Variants in ALPK2 observed in about 807,000 individuals in gnomAD.
ALPK2 encodes alpha-protein kinase 2.
ALPK2 carries 127 observed loss-of-function variants against 163.1 expected under a neutral mutation model. The observed-to-expected ratio is 0.78, with a 90% confidence interval of 0.67 to 0.90. ALPK2 has a LOEUF of 0.90. Among genes scored for constraint, ALPK2 ranks in the 40% least tolerant of loss-of-function variants. The pLI is 0.00. For missense variants in ALPK2, 2,360 were observed against 2,589.6 expected (o/e 0.91, Z 1.92); for synonymous variants, 953 against 959.1 (o/e 0.99, Z 0.12).
At chr18:58,548,420 A>G (rs2051731513) in intron 4 of ALPK2, among the ~76,000 whole-genome samples, 1 of 151,868 alleles carries the variant, frequency 6.6e-6, no homozygotes. Flanking sequence ...ATCCAGGTTC[A>G]AGTGATTCTC....
chr18:58,559,682 C>T (rs893074258), intron 4 of ALPK2, among the ~76,000 whole-genome samples: 1 of 152,184 alleles, frequency 6.6e-6, no homozygotes, highest in Non-Finnish European at 1.5e-5. Context: ...GTGATACTCT[C>T]CACAAAGCTG....
chr18:58,516,829 C>A, intron 9 of ALPK2, 79 bp downstream of exon 9: 3 of 1,499,598 alleles, frequency 2.0e-6, no homozygotes, highest in South Asian at 1.2e-5. Flanking sequence ...TCCCATCAAT[C>A]CTGAGTCTGA....
intron 8 of ALPK2, among the ~76,000 whole-genome samples, chr18:58,521,907 G>A (rs1011038670): frequency 2.0e-5 from 3 of 151,998 alleles, no homozygotes; most frequent in Admixed American, 2.0e-4. Context: ...GATTACAGGC[G>A]TGAGCCACCG....
chr18:58,541,332 AACTC>A (rs1483091944), intron 4 of ALPK2, among the ~76,000 whole-genome samples: 3 of 152,318 alleles, frequency 2.0e-5, no homozygotes, highest in Non-Finnish European at 2.9e-5. Flanking sequence ...ATCTCACAAG[AACTC>A]ACTCATTGTC....
chr18:58,565,264 G>A lies in ALPK2; in HGVS notation c.1962+13550C>T, dbSNP rs147658092. On this transcript the variant is annotated intron_variant, in intron 4 of 12. Coordinates refer to ENST00000361673, the MANE Select transcript of ALPK2 (RefSeq NM_052947.4). ...TTCATGCAAGCTTCTCTCAAGAGTC[G>A]ATATTGAGAAGTGAAACTGCTGCAT... Among the ~76,000 whole-genome samples the A allele has an allele frequency of 2.7e-3, 410 of 152,254 alleles. 1 individual carries two copies. The highest frequency in any genetic ancestry group is 9.4e-3 in the African/African-American group (392 of 41,544).
chr18:58,529,879 T>C (rs754620794), intron 5 of ALPK2, among the ~76,000 whole-genome samples: 2 of 152,140 alleles, frequency 1.3e-5, no homozygotes, highest in Admixed American at 6.5e-5. Context: ...TCAGTATCAA[T>C]ATCAGTGAGG....
intron 3 of ALPK2, among the ~76,000 whole-genome samples, chr18:58,605,180 G>C (rs184590881): frequency 6.6e-6 from 1 of 152,098 alleles, no homozygotes; most frequent in African/African-American, 2.4e-5. Context: ...ACTATAGCCC[G>C]CAGGCCAAAT....
intron 3 of ALPK2, among the ~76,000 whole-genome samples, chr18:58,593,439 C>G (rs1385862149): frequency 6.6e-6 from 1 of 151,438 alleles, no homozygotes; most frequent in African/African-American, 2.4e-5. Flanking sequence ...TGGCATGCGC[C>G]TGTAATCCCA....
At chr18:58,543,039 G>A (rs913525552) in intron 4 of ALPK2, among the ~76,000 whole-genome samples, 1 of 152,102 alleles carries the variant, frequency 6.6e-6, no homozygotes, top group Non-Finnish European at 1.5e-5. Context: ...TCCATTTATG[G>A]ATTAATGAAT....
At chr18:58,621,910 G>A (rs1162280045) in intron 1 of ALPK2, among the ~76,000 whole-genome samples, 1 of 152,020 alleles carries the variant, frequency 6.6e-6, no homozygotes, top group East Asian at 1.9e-4. Context: ...GCTGGCAGCA[G>A]CTCCCTCTGG....
At chr18:58,602,106 A>C (rs964236790) in intron 3 of ALPK2, among the ~76,000 whole-genome samples, 2 of 152,218 alleles carry the variant, frequency 1.3e-5, no homozygotes, top group Non-Finnish European at 2.9e-5. Context: ...AAATCCTTGA[A>C]TAATCAATCG....
chr18:58,524,707 C>G (rs1219634704), intron 6 of ALPK2, among the ~76,000 whole-genome samples: 1 of 152,090 alleles, frequency 6.6e-6, no homozygotes, highest in Non-Finnish European at 1.5e-5. Flanking sequence ...GGCATTGTGC[C>G]AAATCACATA....
chr18:58,526,502 C>T (rs1429299306), intron 6 of ALPK2, among the ~76,000 whole-genome samples: 1 of 152,212 alleles, frequency 6.6e-6, no homozygotes, highest in Non-Finnish European at 1.5e-5. Flanking sequence ...CCTTGCTCAG[C>T]TATCAGTAGG....
At chr18:58,507,016 AC>A (rs2051465326) in intron 10 of ALPK2, among the ~76,000 whole-genome samples, 1 of 152,206 alleles carries the variant, frequency 6.6e-6, no homozygotes, top group South Asian at 2.1e-4. Flanking sequence ...AACATTGACC[AC>A]GTAGATACCA....
At position 58,481,690 on chromosome 18, in the gene ALPK2, G is replaced by C; in HGVS notation, c.*133C>G. The C allele has an allele frequency of 1.4e-6, 1 of 704,294 alleles. No homozygotes were observed. The highest frequency in any genetic ancestry group is 2.5e-6 in the Non-Finnish European group (1 of 408,000). The allele number at this position is 704,294 out of a possible 1,614,324, so 43.6% of individuals were successfully genotyped here. A position where few individuals can be genotyped will look rare whatever the true frequency, so the allele number is the denominator to read the frequency against. ...CAGGTGATGGGTTTAGAAGCATCTT[G>C]GCGCACAGTCGGCTGGGAGTAAGGA... On this transcript the variant is annotated 3_prime_UTR_variant, in exon 13 of 13. Transcript: ENST00000361673.
intron 4 of ALPK2, among the ~76,000 whole-genome samples, chr18:58,573,178 T>C (rs1036633062): frequency 6.8e-6 from 1 of 146,904 alleles, no homozygotes; most frequent in Non-Finnish European, 1.5e-5. Flanking sequence ...GAATGCAGCA[T>C]TATATATGTA....
intron 6 of ALPK2, among the ~76,000 whole-genome samples, chr18:58,525,456 G>C (rs2051579415): frequency 1.3e-5 from 2 of 152,178 alleles, no homozygotes; most frequent in African/African-American, 4.8e-5. Flanking sequence ...GGAAGGCAAG[G>C]GCTACCCGAA....
At chr18:58,524,143 G>A (rs560855967) in intron 6 of ALPK2, 81 bp from the exon 7 acceptor site, 16 of 1,521,242 alleles carry the variant, frequency 1.1e-5, no homozygotes, top group Non-Finnish European at 1.3e-5. Flanking sequence ...GGAGAAAGAA[G>A]CTAAGACTTC....
rs114459215 is a variant in ALPK2 at position 58,549,960 on chromosome 18, G to A, written c.1963-11736C>T. 9.5e-3 allele frequency among the ~76,000 whole-genome samples: 1,448 copies of A among 152,142 alleles called. 25 individuals carry two copies. The highest frequency in any genetic ancestry group is 0.032 in the African/African-American group (1,341 of 41,476). On this transcript the variant is annotated intron_variant, in intron 4 of 12. Transcript: ENST00000361673. ...TGCAAAACGTGGAGTCAGGACCTAC[G>A]TGCCCCTCTCACCCTGACTCTGTCT...
Sources: allele counts gnomAD v4.1 joint callset (sites outside exome capture counted in the v4.1 genomes callset), GRCh38; gene constraint gnomAD v4.1.1; transcripts MANE v1.5; gene names NCBI Gene and HGNC (gene_info 2026-07-23, HGNC 2026-07-21).